Variants in MACO1 observed in about 807,000 individuals in gnomAD.
MACO1 encodes macoilin 1, also known as macoilin.
MACO1 carries 14 observed loss-of-function variants against 78.7 expected under a neutral mutation model. That is an observed-to-expected ratio of 0.18 (90% CI 0.12 to 0.28). MACO1 has a LOEUF of 0.28. Ranked by LOEUF, MACO1 falls within the 10% of genes least tolerant of loss-of-function variation. The pLI is 1.00. For synonymous variants in MACO1, 288 were observed against 291.6 expected (o/e 0.99, Z 0.12); for missense variants, 501 against 799.0 (o/e 0.63, Z 4.50).
At chr1:25,486,880 T>C (rs1365709566) in intron 8 of MACO1, among the ~76,000 whole-genome samples, 1 of 152,224 alleles carries the variant, frequency 6.6e-6, no homozygotes, top group Non-Finnish European at 1.5e-5. Context: ...TGTTTGAAGA[T>C]GTATTTGCAT....
chr1:25,478,238 CTG>C (rs367697140), intron 6 of MACO1, among the ~76,000 whole-genome samples: 561 of 152,258 alleles, frequency 3.7e-3, no homozygotes, highest in African/African-American at 0.012. Flanking sequence ...GAGCGAGACT[CTG>C]TCTCAAAAAA....
chr1:25,448,975 T>A (rs2043040360), intron 3 of MACO1, 41 bp downstream of exon 3: 1 of 1,395,326 alleles, frequency 7.2e-7, no homozygotes, highest in African/African-American at 1.4e-5. Flanking sequence ...AAATCTTAGA[T>A]TCAAATTTTT....
At chr1:25,473,975 C>T (rs1414894516) in intron 6 of MACO1, among the ~76,000 whole-genome samples, 1 of 152,184 alleles carries the variant, frequency 6.6e-6, no homozygotes, top group Non-Finnish European at 1.5e-5. Flanking sequence ...AGGACCATTA[C>T]TCCCCCCACA....
chr1:25,478,244 C>CA (rs201069986), intron 6 of MACO1, among the ~76,000 whole-genome samples: 5 of 152,110 alleles, frequency 3.3e-5, no homozygotes, highest in Non-Finnish European at 5.9e-5. Context: ...GACTCTGTCT[C>CA]AAAAAAATTT....
At chr1:25,472,449 G>A (rs1278366633) in intron 6 of MACO1, among the ~76,000 whole-genome samples, 2 of 151,158 alleles carry the variant, frequency 1.3e-5, no homozygotes, top group Non-Finnish European at 2.9e-5. Context: ...CCACTTATGA[G>A]TGAGAACATG....
At chr1:25,449,628 C>T (rs1353842702) in intron 3 of MACO1, among the ~76,000 whole-genome samples, 2 of 152,104 alleles carry the variant, frequency 1.3e-5, no homozygotes. Context: ...CCTCAGCCTC[C>T]TAAGTATCTG....
intron 3 of MACO1, among the ~76,000 whole-genome samples, chr1:25,453,285 G>A (rs567508031): frequency 6.6e-6 from 1 of 151,552 alleles, no homozygotes; most frequent in African/African-American, 2.4e-5. Flanking sequence ...GATTACAGGT[G>A]TGAGCCACTG....
rs1210273628 is a variant in MACO1 at position 25,484,261 on chromosome 1, C to A, written c.1300C>A (p.Leu434Met). ...GGGCCAGCTTCGGCAGGAGAACGAG[C>A]TGCTGCAGAACAAGTACGTGCACCT... Reference protein sequence around the residue: ...EMGQLRQENELLQNKLHNAVQ... With the variant: ...EMGQLRQENEMLQNKLHNAVQ... Residue 434 changes from leucine (L) to methionine (M), a missense_variant, in exon 7 of 11, where the codon CTG (leucine) becomes ATG (methionine). Leu to Met is a conservative substitution (Grantham distance 15, BLOSUM62 2). Coordinates refer to ENST00000374343, the MANE Select transcript of MACO1 (RefSeq NM_018202.6). 5 of 1,610,806 alleles carry A rather than the reference C, an allele frequency of 3.1e-6. No individual in the cohort carries two copies. The highest frequency in any genetic ancestry group is 4.2e-6 in the Non-Finnish European group (5 of 1,179,002).
intron 1 of MACO1, among the ~76,000 whole-genome samples, chr1:25,433,938 G>C (rs1298231056): frequency 2.6e-5 from 4 of 152,202 alleles, no homozygotes; most frequent in Non-Finnish European, 5.9e-5. Context: ...AACAAAAGTT[G>C]AGTAGCCAAA....
At chr1:25,457,829 T>C (rs1047147507) in intron 5 of MACO1, among the ~76,000 whole-genome samples, 1 of 152,224 alleles carries the variant, frequency 6.6e-6, no homozygotes, top group African/African-American at 2.4e-5. Context: ...GTAGACCCAA[T>C]ACACAAAATT....
At chr1:25,471,351 AAAAAG>A (rs1437899664) in intron 6 of MACO1, among the ~76,000 whole-genome samples, 28 of 152,186 alleles carry the variant, frequency 1.8e-4, no homozygotes, top group Admixed American at 5.2e-4. Context: ...CAAAAAAAAA[AAAAAG>A]AAAGAAAGAA....
chr1:25,448,190 CGTG>C (rs1290983177), intron 2 of MACO1, among the ~76,000 whole-genome samples: 1 of 152,066 alleles, frequency 6.6e-6, no homozygotes. Flanking sequence ...CAGGGCCAGA[CGTG>C]GTGGTTCACA....
rs1343608435 is a variant in MACO1 at position 25,485,809 on chromosome 1, A to G, written c.1496+14A>G. ...TGCTGCATCTAGGTATGTCCATGTCACCTGAGTGTTTAATCCAAGGTTGGC... is the reference window on the plus strand; with the variant it reads ...TGCTGCATCTAGGTATGTCCATGTCGCCTGAGTGTTTAATCCAAGGTTGGC... On this transcript the variant is annotated intron_variant, in intron 8 of 10. Transcript: ENST00000374343. The surrounding 1 kb of genome is among the most constrained non-coding windows in gnomAD (Gnocchi z 4.3). The G allele has an allele frequency of 6.3e-7, 1 of 1,595,146 alleles. No homozygotes were observed. The highest frequency in any genetic ancestry group is 1.8e-5 in the Admixed American group (1 of 55,752).
rs147943909 is a variant in MACO1 at position 25,497,494 on chromosome 1, A to G, written c.1793-770A>G. Among the ~76,000 whole-genome samples the G allele has an allele frequency of 1.7e-3, 264 of 152,324 alleles. 1 individual carries two copies. Among genetic ancestry groups the G allele is most frequent in the African/African-American group, 5.9e-3 (246 of 41,586 alleles). On this transcript the variant is annotated intron_variant, in intron 10 of 10. Coordinates refer to ENST00000374343, the MANE Select transcript of MACO1 (RefSeq NM_018202.6). ...ATCCTCAAGATTTAGCTAGCTTCACAAAGAAAGCAGGAGATACACAGGACA... is the reference window on the plus strand; with the variant it reads ...ATCCTCAAGATTTAGCTAGCTTCACGAAGAAAGCAGGAGATACACAGGACA...
Position 25,446,799 on chromosome 1 carries a change from C to T in MACO1, c.118C>T (p.Leu40Phe). The change falls in exon 2 of 11, where the codon CTT becomes TTT. Residue 40 changes from leucine (L) to phenylalanine (F), a missense_variant. Transcript: ENST00000374343. ...LYLKFLVVWA[L>F]VLLADFVLEF... The stretch of plus-strand genomic sequence containing the variant: ...CCTGAAATTCCTGGTGGTGTGGGCA[C>T]TTGTCCTCCTAGCAGATTTTGTCCT... The T allele has an allele frequency of 1.2e-6, 2 of 1,613,706 alleles. No individual in the cohort carries two copies. Among genetic ancestry groups the T allele is most frequent in the Non-Finnish European group, 1.7e-6 (2 of 1,179,858 alleles).
intron 6 of MACO1, among the ~76,000 whole-genome samples, chr1:25,466,572 C>G (rs932712337): frequency 6.6e-6 from 1 of 152,340 alleles, no homozygotes; most frequent in East Asian, 1.9e-4. Context: ...CTCGGCCTCC[C>G]AAAGTGCTGG....
intron 10 of MACO1, among the ~76,000 whole-genome samples, chr1:25,492,551 G>C (rs987957962): frequency 2.0e-5 from 3 of 151,958 alleles, no homozygotes; most frequent in Non-Finnish European, 4.4e-5. Flanking sequence ...AGAGGGTGGG[G>C]GTTGTAGCCT....
At chr1:25,470,584 C>G (rs1345575181) in intron 6 of MACO1, among the ~76,000 whole-genome samples, 1 of 152,082 alleles carries the variant, frequency 6.6e-6, no homozygotes, top group Admixed American at 6.6e-5. Flanking sequence ...AGTGGGGAAC[C>G]ACAGTAGTTA....
intron 6 of MACO1, among the ~76,000 whole-genome samples, chr1:25,466,882 A>G (rs1247031038): frequency 6.6e-6 from 1 of 152,124 alleles, no homozygotes; most frequent in African/African-American, 2.4e-5. Context: ...CTTAAATTAT[A>G]TAAAAATCAT....
Sources: allele counts gnomAD v4.1 joint callset (sites outside exome capture counted in the v4.1 genomes callset), GRCh38; gene constraint gnomAD v4.1.1; non-coding constraint Gnocchi (gnomAD v3.1); transcripts MANE v1.5; gene names NCBI Gene and HGNC (gene_info 2026-07-23, HGNC 2026-07-21).